WDR87: variants seen among roughly 807,000 people sequenced by gnomAD.
The protein encoded by WDR87 is WD repeat-containing protein 87.
WDR87 carries 56 observed loss-of-function variants against 83.3 expected under a neutral mutation model. The observed-to-expected ratio is 0.67, with a 90% confidence interval of 0.54 to 0.84. The LOEUF is 0.84. Ranked by LOEUF, WDR87 falls within the 40% of genes least tolerant of loss-of-function variation. WDR87 has a pLI of 0.00. For missense variants in WDR87, 2,939 were observed against 3,431.9 expected (o/e 0.86, Z 3.59); for synonymous variants, 1,173 against 1,250.6 (o/e 0.94, Z 1.31).
chr19:37,896,249 C>T lies in WDR87; in HGVS notation c.135G>A (p.Leu45=). ...TTTGAGGATAGCGAGACTCTTTGAA[C>T]AGTACCTGGGACCGGTCACTCAGCA... ...LIVLSDRSQV[L]FKESRYPQNM... Residue 45 remains leucine, a synonymous_variant, in exon 3 of 6, where the codon CTG becomes CTA. Coordinates refer to ENST00000447313, the MANE Select transcript of WDR87 (RefSeq NM_001291088.2). The T allele has an allele frequency of 6.4e-7, 1 of 1,552,096 alleles. No individual in the cohort carries two copies.
In WDR87 at chr19:37,887,372, T is replaced by C. The variant is rs139513640; in HGVS notation, c.6299A>G (p.Lys2100Arg). 1.3e-6 allele frequency: 2 copies of C among 1,551,710 alleles called. No homozygotes were observed. The highest frequency in any genetic ancestry group is 2.4e-5 in the East Asian group (1 of 40,914). ...TTCCTTGGAAAGGCTCTCCCTTTTT[T>C]TAATCAACTTCCTTGAAGCCTTGGC... ...KLAKASRKLI[K>R]KRESLSKEPA... Residue 2100 changes from lysine to arginine, a missense_variant, in exon 6 of 6, where the codon AAA becomes AGA. Coordinates refer to ENST00000447313, the MANE Select transcript of WDR87 (RefSeq NM_001291088.2).
chr19:37,897,450 T>C (rs938562368), intron 2 of WDR87, among the ~76,000 whole-genome samples: 1 of 151,800 alleles, frequency 6.6e-6, no homozygotes, highest in African/African-American at 2.4e-5. Flanking sequence ...GCTCAGGTGA[T>C]CTGCCTACCT....
At position 37,885,956 on chromosome 19, in the gene WDR87, T is replaced by C; in HGVS notation, c.7715A>G (p.Glu2572Gly). 6.4e-7 allele frequency: 1 copy of C among 1,552,164 alleles called. No individual in the cohort carries two copies. ...SDVEWIRHVL[E>G]RMEAGEQLSR... ...AAGCTGTTCTCCCGCTTCCATTCGT[T>C]CTAGGACATGGCGGATCCACTCTAC... is the stretch of plus-strand genomic sequence containing the variant. The change falls in exon 6 of 6, where the codon GAA (glutamate) becomes GGA (glycine). Residue 2572 changes from glutamate to glycine, a missense_variant. Coordinates refer to ENST00000447313, the MANE Select transcript of WDR87 (RefSeq NM_001291088.2).
chr19:37,888,251 G>A lies in WDR87; in HGVS notation c.5420C>T (p.Thr1807Ile). Residue 1807 changes from threonine to isoleucine, a missense_variant, in exon 6 of 6, where the codon ACA becomes ATA. This residue lies in a region of WDR87 where 2,160 missense variants were observed against 2,533.1 expected (regional missense o/e 0.85). Transcript: ENST00000447313. ...CAACTCTTCTTCCTGGGCCAGTTTTGTCTCTTCTTCAGACAGTTTCTCCCT... is the reference window on the plus strand; with the variant it reads ...CAACTCTTCTTCCTGGGCCAGTTTTATCTCTTCTTCAGACAGTTTCTCCCT... ...WQREKLSEEE[T>I]KLAQEEELLI... is the part of the protein sequence containing the mutation. The A allele has an allele frequency of 6.5e-7, 1 of 1,549,276 alleles. No individual in the cohort carries two copies. Among genetic ancestry groups the A allele is most frequent in the Non-Finnish European group, 8.7e-7 (1 of 1,146,274 alleles).
chr19:37,890,724 C>A (rs946088769), intron 5 of WDR87, among the ~76,000 whole-genome samples: 1 of 152,100 alleles, frequency 6.6e-6, no homozygotes, highest in Non-Finnish European at 1.5e-5. Flanking sequence ...CTACCCTTAA[C>A]CTCTGGCCCT....
Position 37,893,649 on chromosome 19 carries a change from C to T in WDR87, c.2054G>A (p.Arg685His), listed in dbSNP as rs879073932. Residue 685 changes from arginine to histidine, a missense_variant, in exon 4 of 6, where the codon CGC (arginine) becomes CAC (histidine). By Grantham distance (29) the Arg-to-His change is conservative (BLOSUM62 0). Coordinates refer to ENST00000447313, the MANE Select transcript of WDR87 (RefSeq NM_001291088.2). ...LKLLPPALLTRLSFMSISDEV... is the reference protein window; with the variant it reads ...LKLLPPALLTHLSFMSISDEV... ...ATCTGATATGCTCATAAAGGAAAGG[C>T]GAGTCAGCAGGGCTGGGGGAAGCAA... is the stretch of plus-strand genomic sequence containing the variant. The T allele has an allele frequency of 2.1e-5, 33 of 1,552,004 alleles. No homozygotes were observed. Among genetic ancestry groups the T allele is most frequent in the African/African-American group, 1.4e-4 (10 of 73,002 alleles).
chr19:37,898,055 C>G, intron 2 of WDR87, 110 bp downstream of exon 2: 2 of 1,299,564 alleles, frequency 1.5e-6, no homozygotes, highest in Non-Finnish European at 2.1e-6. Flanking sequence ...ATAGTATACC[C>G]TGTTTGCTTC....
chr19:37,895,766 C>CAAAA (rs36107860), intron 3 of WDR87, among the ~76,000 whole-genome samples: 1 of 84,284 alleles, frequency 1.2e-5, no homozygotes, highest in Non-Finnish European at 2.3e-5. Flanking sequence ...GACTCTGTCT[C>CAAAA]AAAAAAAAAA....
chr19:37,889,819 A>G lies in WDR87; in HGVS notation c.3852T>C (p.Asp1284=). 1.3e-6 allele frequency: 2 copies of G among 1,551,724 alleles called. No homozygotes were observed. Among genetic ancestry groups the G allele is most frequent in the Non-Finnish European group, 1.7e-6 (2 of 1,147,022 alleles). ...TCCTCAGGGCCATAAGACGACATAG[A>G]TCGTCCCTCCATGATGAGCCATCTC... The part of the protein sequence containing the change: ...TAGDGSSWRD[D]LCRLMALRIS... Residue 1284 remains aspartate, a synonymous_variant, in exon 6 of 6, where the codon GAT becomes GAC. Coordinates refer to ENST00000447313, the MANE Select transcript of WDR87 (RefSeq NM_001291088.2).
Position 37,886,624 on chromosome 19 carries a change from TTC to T in WDR87, c.7045_7046del (p.Glu2349ArgfsTer5). 1 of 1,534,170 alleles carries T rather than the reference TTC, an allele frequency of 6.5e-7. No homozygotes were observed. The highest frequency in any genetic ancestry group is 8.8e-7 in the Non-Finnish European group (1 of 1,138,226). On this transcript the variant is annotated frameshift_variant, in exon 6 of 6. Coordinates refer to ENST00000447313, the MANE Select transcript of WDR87 (RefSeq NM_001291088.2). LOFTEE classifies it low-confidence loss of function (END_TRUNC). ...QEKEEVFEEK[E>X]EIMSEEETES... ...CTGTCTCTTCCTCACTCATAATTTC[TTC>T]TTTCTCCTCAAACACTTCTTCCTTC... is the stretch of plus-strand genomic sequence containing the variant.
rs919406070 is a variant in WDR87, at chr19:37,894,744, C to T, written c.959G>A (p.Arg320Gln). ...WNLTSGSLLR[R>Q]LELGEELYRL... is the part of the protein sequence containing the mutation. ...GTATAGCTCCTCACCAAGCTCTAGC[C>T]GCCGAAGCAGGCTCCCTGAAGTCAG... Residue 320 changes from arginine (R) to glutamine (Q), a missense_variant, in exon 4 of 6, where the codon CGG becomes CAG. Arg to Gln is a conservative substitution (Grantham distance 43, BLOSUM62 1). This residue lies in a region of WDR87 where 553 missense variants were observed against 577.9 expected (regional missense o/e 0.96). Transcript: ENST00000447313. 1.3e-5 allele frequency: 20 copies of T among 1,551,576 alleles called. No homozygotes were observed. The highest frequency in any genetic ancestry group is 5.5e-5 in the African/African-American group (4 of 73,028).
At chr19:37,903,703 T>C (rs915992245) in intron 1 of WDR87, among the ~76,000 whole-genome samples, 3 of 152,074 alleles carry the variant, frequency 2.0e-5, no homozygotes, top group African/African-American at 7.2e-5. Context: ...CTAATTTTTG[T>C]ACTTTTTGTA....
Position 37,884,877 on chromosome 19 carries a change from A to G in WDR87, c.*55T>C. On this transcript the variant is annotated 3_prime_UTR_variant, in exon 6 of 6. Transcript: ENST00000447313. ...AGAGATGAAGGTCTAGATCCTGGTA[A>G]TTAGGCCTTTCTCCAGTTGGCAATG... The G allele has an allele frequency of 8.0e-7, 1 of 1,256,076 alleles. No homozygotes were observed. The highest frequency in any genetic ancestry group is 1.0e-6 in the Non-Finnish European group (1 of 988,202). 77.8% of individuals were successfully genotyped at this position (1,256,076 alleles called of 1,614,324 possible).
In WDR87 at chr19:37,895,343, G is replaced by A; in HGVS notation, c.360C>T (p.Ile120=). The stretch of plus-strand genomic sequence containing the variant: ...TCAGGTCACCACAGTAGACCACGAG[G>A]ATATGAAAGGAGCCTGCATGGACCA... ...QSMVHAGSFH[I]LVVYCGDLIL... is the part of the protein sequence containing the mutation. Residue 120 remains isoleucine, a synonymous_variant, in exon 4 of 6, where the codon ATC becomes ATT. Transcript: ENST00000447313. 6.4e-7 allele frequency: 1 copy of A among 1,551,762 alleles called. No homozygotes were observed. Among genetic ancestry groups the A allele is most frequent in the African/African-American group, 1.4e-5 (1 of 73,186 alleles).
At chr19:37,898,027 C>T (rs1227434052) in intron 2 of WDR87, 138 bp downstream of exon 2, 15 of 917,212 alleles carry the variant, frequency 1.6e-5, no homozygotes, top group Non-Finnish European at 2.4e-5. Flanking sequence ...TGGCCTACCT[C>T]CTGCTAAGGT....
Position 37,894,248 on chromosome 19 carries a change from C to T in WDR87, c.1455G>A (p.Val485=). 2.6e-6 allele frequency: 4 copies of T among 1,551,850 alleles called. No individual in the cohort carries two copies. The highest frequency in any genetic ancestry group is 3.5e-6 in the Non-Finnish European group (4 of 1,147,034). ...AGCTGTGCTGGGAGAGCACTCTTATCACACCACTCTGGTGCCCAGAGAATA... is the reference window on the plus strand; with the variant it reads ...AGCTGTGCTGGGAGAGCACTCTTATTACACCACTCTGGTGCCCAGAGAATA... The part of the protein sequence containing the change: ...GLIFSGHQSG[V]IRVLSQHSCA... Residue 485 remains valine (V), a synonymous_variant, in exon 4 of 6, where the codon GTG becomes GTA. Transcript: ENST00000447313.
upstream of WDR87, chr19:37,906,596 CGA>C (rs1381833750): frequency 6.6e-6 from 1 of 152,192 alleles, no homozygotes; most frequent in Admixed American, 6.5e-5. Flanking sequence ...GCGGATGTTG[CGA>C]GAGGACTCCG....
chr19:37,885,174 C>G lies in WDR87; in HGVS notation c.8497G>C (p.Ala2833Pro). 1 of 1,468,002 alleles carries G rather than the reference C, an allele frequency of 6.8e-7. No individual in the cohort carries two copies. The highest frequency in any genetic ancestry group is 9.0e-7 in the Non-Finnish European group (1 of 1,110,874). 90.9% of individuals were successfully genotyped at this position (1,468,002 alleles called of 1,614,324 possible). Reference sequence around the variant, plus strand: ...CGTTCCCCGGGAACTAGCTCTGTGGCTTTTAGGGCCTCTTCGTAGATGATC... The same window carrying G: ...CGTTCCCCGGGAACTAGCTCTGTGGGTTTTAGGGCCTCTTCGTAGATGATC... The part of the protein sequence containing the change: ...QEIIYEEALK[A>P]TELVPGERLF... The change falls in exon 6 of 6, where the codon GCC becomes CCC. Residue 2833 changes from alanine to proline, a missense_variant. Physicochemically the swap from Ala to Pro is conservative, Grantham distance 27. Around this residue, in one of 3 missense-constraint regions of WDR87, gnomAD observed 2,160 missense variants for 2,533.1 expected, o/e 0.85. Coordinates refer to ENST00000447313, the MANE Select transcript of WDR87 (RefSeq NM_001291088.2).
chr19:37,904,803 C>T (rs1012179653), intron 1 of WDR87, among the ~76,000 whole-genome samples: 1 of 152,224 alleles, frequency 6.6e-6, no homozygotes, highest in African/African-American at 2.4e-5. Context: ...TGTGGCTGAA[C>T]TATCATTTAT....
Sources: gnomAD v4.1 joint callset for allele counts (sites outside exome capture counted in the v4.1 genomes callset) on GRCh38, gnomAD v4.1.1 for gene constraint, gnomAD v4.1.1 regional missense constraint, MANE v1.5 for transcripts, NCBI Gene and HGNC (gene_info 2026-07-23, HGNC 2026-07-21) for gene names.